Variants in PTPRQ observed in about 807,000 individuals in gnomAD.
PTPRQ encodes phosphatidylinositol phosphatase PTPRQ.
Under a neutral mutation model 246.0 loss-of-function variants are expected in PTPRQ, and 199 were observed. The ratio of observed to expected loss-of-function variants is 0.81; its 90% CI spans 0.72 to 0.91. PTPRQ has a LOEUF of 0.91. Among genes scored for constraint, PTPRQ ranks in the 40% least tolerant of loss-of-function variants. The probability of loss-of-function intolerance (pLI) is 0.00; values close to 1 mark genes in which losing one functional copy is unlikely to be tolerated. For synonymous variants in PTPRQ, 869 were observed against 853.2 expected (o/e 1.02, Z -0.32); for missense variants, 2,624 against 2,528.4 (o/e 1.04, Z -0.81).
intron 26 of PTPRQ, among the ~76,000 whole-genome samples, chr12:80,602,489 G>T (rs1043117772): frequency 6.6e-6 from 1 of 151,784 alleles, no homozygotes; most frequent in Non-Finnish European, 1.5e-5. Context: ...GGTCCAAGAT[G>T]AAGGTGCAGA....
chr12:80,503,137 A>G (rs12304567), intron 14 of PTPRQ, among the ~76,000 whole-genome samples: 45,483 of 151,632 alleles, frequency 0.3, 8,165 homozygotes, highest in African/African-American at 0.5. Flanking sequence ...ATCGTTAGTG[A>G]GACTATGGTA....
At position 80,648,927 on chromosome 12, in the gene PTPRQ, AGTTT is replaced by A. The variant is rs780990396; in HGVS notation, c.5942+8_5942+11del. ...TTAGTTATAGAAAATCCATCAAGTA[AGTTT>A]GTTAAATATTTTCTTTCTTCTTTTT... On this transcript the variant is annotated splice_donor_5th_base_variant and intron_variant, in intron 36 of 44. Coordinates refer to ENST00000644991, the MANE Select transcript of PTPRQ (RefSeq NM_001145026.2). 2.6e-6 allele frequency: 4 copies of A among 1,509,822 alleles called. 1 individual carries two copies. In the South Asian group the frequency reaches 5.3e-5, roughly 20 times the overall value. 93.5% of individuals were successfully genotyped at this position (1,509,822 alleles called of 1,614,324 possible).
chr12:80,538,463 C>T (rs1471382690), intron 19 of PTPRQ, among the ~76,000 whole-genome samples: 1 of 152,122 alleles, frequency 6.6e-6, no homozygotes, highest in African/African-American at 2.4e-5. Context: ...TATGTTAATA[C>T]TTTTAAGTGG....
At chr12:80,458,884 C>T (rs992504206) in intron 4 of PTPRQ, among the ~76,000 whole-genome samples, 5 of 152,018 alleles carry the variant, frequency 3.3e-5, no homozygotes, top group Non-Finnish European at 7.4e-5. Context: ...TATAAACATT[C>T]CAGAAATCTG....
At chr12:80,568,716 A>C (rs1312510249) in intron 25 of PTPRQ, among the ~76,000 whole-genome samples, 1 of 152,206 alleles carries the variant, frequency 6.6e-6, no homozygotes, top group Non-Finnish European at 1.5e-5. Flanking sequence ...CATTGCTGTG[A>C]GACAAGGAGG....
chr12:80,624,470 G>A (rs1899120953), intron 33 of PTPRQ, among the ~76,000 whole-genome samples: 2 of 152,176 alleles, frequency 1.3e-5, no homozygotes, highest in Non-Finnish European at 2.9e-5. Context: ...ACCACATGGA[G>A]TTCTGCTATT....
chr12:80,506,330 T>C, intron 15 of PTPRQ, 124 bp downstream of exon 15: 1 of 1,118,442 alleles, frequency 8.9e-7, no homozygotes, highest in South Asian at 1.9e-5. Context: ...GTCTTTTTGG[T>C]TAAATAAGCT....
intron 31 of PTPRQ, 130 bp downstream of exon 31, chr12:80,619,672 A>G (rs1565822849): frequency 1.7e-6 from 1 of 580,928 alleles, no homozygotes. Flanking sequence ...GATTGTCAAT[A>G]TTATTATTAA....
chr12:80,590,634 C>CT (rs1897764900), intron 26 of PTPRQ, among the ~76,000 whole-genome samples: 1 of 138,860 alleles, frequency 7.2e-6, no homozygotes, highest in Admixed American at 7.7e-5. Context: ...CACCACTGCA[C>CT]TCCAGCCTGG....
chr12:80,541,778 T>C lies in PTPRQ; in HGVS notation c.3378T>C (p.Thr1126=). The change falls in exon 21 of 45, where the codon ACT becomes ACC. Residue 1126 remains threonine (T), a synonymous_variant. Coordinates refer to ENST00000644991, the MANE Select transcript of PTPRQ (RefSeq NM_001145026.2). ...ACACTGATTATATATTAAAAATTACTCCATCAACAGAAAAGGGATTCTCTG... is the reference window on the plus strand; with the variant it reads ...ACACTGATTATATATTAAAAATTACCCCATCAACAGAAAAGGGATTCTCTG... ...EKYTDYILKI[T]PSTEKGFSDT... The C allele has an allele frequency of 6.4e-7, 1 of 1,550,978 alleles. No homozygotes were observed. Among genetic ancestry groups the C allele is most frequent in the Non-Finnish European group, 8.7e-7 (1 of 1,146,560 alleles).
At chr12:80,470,753 G>A (rs1432249758) in intron 7 of PTPRQ, among the ~76,000 whole-genome samples, 2 of 151,992 alleles carry the variant, frequency 1.3e-5, no homozygotes, top group Non-Finnish European at 1.5e-5. Flanking sequence ...AAATAAAATA[G>A]GTGATTAAAT....
intron 35 of PTPRQ, among the ~76,000 whole-genome samples, chr12:80,641,583 T>C (rs550257974): frequency 6.6e-6 from 1 of 152,340 alleles, no homozygotes; most frequent in African/African-American, 2.4e-5. Flanking sequence ...CAAGTTCCCA[T>C]TGACAGAATT....
chr12:80,573,292 T>A (rs1565794401), intron 25 of PTPRQ, among the ~76,000 whole-genome samples: 1 of 152,104 alleles, frequency 6.6e-6, no homozygotes, highest in African/African-American at 2.4e-5. Context: ...GATCGAGACC[T>A]TCCTGGCTAA....
At chr12:80,562,898 G>T (rs1896869248) in intron 25 of PTPRQ, among the ~76,000 whole-genome samples, 1 of 151,390 alleles carries the variant, frequency 6.6e-6, no homozygotes, top group Non-Finnish European at 1.5e-5. Flanking sequence ...GAAAAAAAGA[G>T]AAAATTCAAG....
At chr12:80,548,981 G>T (rs921460134) in intron 24 of PTPRQ, among the ~76,000 whole-genome samples, 1 of 152,112 alleles carries the variant, frequency 6.6e-6, no homozygotes, top group Non-Finnish European at 1.5e-5. Flanking sequence ...TTCTTCCAAA[G>T]AAGCCATCCC....
chr12:80,486,543 T>C (rs1349950255), intron 9 of PTPRQ, among the ~76,000 whole-genome samples: 1 of 152,150 alleles, frequency 6.6e-6, no homozygotes, highest in Non-Finnish European at 1.5e-5. Context: ...AATCAACTTT[T>C]GGAGACTTGG....
chr12:80,534,746 A>G (rs1895938661), intron 18 of PTPRQ, 146 bp from the exon 19 acceptor site: 1 of 1,035,840 alleles, frequency 9.7e-7, no homozygotes, highest in African/African-American at 1.6e-5. Flanking sequence ...TGTTTTATGG[A>G]TTTCATTTCT....
intron 26 of PTPRQ, among the ~76,000 whole-genome samples, chr12:80,601,372 G>A (rs962825499): frequency 6.6e-6 from 1 of 151,686 alleles, no homozygotes; most frequent in Non-Finnish European, 1.5e-5. Flanking sequence ...AAATGAAAAG[G>A]GTTAAACAGT....
At chr12:80,597,991 G>A (rs1700733698) in intron 26 of PTPRQ, among the ~76,000 whole-genome samples, 1 of 151,934 alleles carries the variant, frequency 6.6e-6, no homozygotes, top group South Asian at 2.1e-4. Context: ...GGCATGTCCA[G>A]TATTGAAACT....
Sources: gnomAD v4.1 joint callset for allele counts (sites outside exome capture counted in the v4.1 genomes callset) on GRCh38, gnomAD v4.1.1 for gene constraint, MANE v1.5 for transcripts, NCBI Gene and HGNC (gene_info 2026-07-23, HGNC 2026-07-21) for gene names.